Variants in SORCS2 observed in about 807,000 individuals in gnomAD.
SORCS2 encodes VPS10 domain-containing receptor SorCS2.
SORCS2 carries 100 observed loss-of-function variants against 141.6 expected under a neutral mutation model. The ratio of observed to expected loss-of-function variants is 0.71; its 90% CI spans 0.60 to 0.83. The LOEUF is 0.83. SORCS2 is among the 40% of genes least tolerant of loss of function. The pLI is 0.00. For synonymous variants in SORCS2, 789 were observed against 676.9 expected (o/e 1.17, Z -2.57); for missense variants, 1,646 against 1,560.2 (o/e 1.05, Z -0.93).
chr4:7,655,207 A>G (rs1006542515), intron 5 of SORCS2, among the ~76,000 whole-genome samples: 10 of 151,504 alleles, frequency 6.6e-5, no homozygotes, highest in Non-Finnish European at 1.5e-5. Context: ...GCGTGTACAC[A>G]CACACACACA....
chr4:7,600,656 TACACACACAC>T lies in SORCS2; in HGVS notation c.649-37639_649-37630del, dbSNP rs57789330. On this transcript the variant is annotated intron_variant, in intron 3 of 26. Transcript: ENST00000507866. ...TTAGATTACGATATACATATATATA[TACACACACAC>T]ACACACACACACACACACACACACA... Among the ~76,000 whole-genome samples, 149 of 140,982 alleles carry T rather than the reference TACACACACAC, an allele frequency of 1.1e-3. 1 individual carries two copies. The highest frequency in any genetic ancestry group is 3.6e-3 in the Middle Eastern group (1 of 278). The allele number at this position is 140,982 out of a possible 152,430, so 92.5% of individuals were successfully genotyped here.
intron 1 of SORCS2, among the ~76,000 whole-genome samples, chr4:7,368,979 G>A (rs767337282): frequency 2.0e-5 from 3 of 152,128 alleles, no homozygotes; most frequent in South Asian, 2.1e-4. Flanking sequence ...TCATGGTGAG[G>A]CCTCCCCAGC....
intron 2 of SORCS2, among the ~76,000 whole-genome samples, chr4:7,453,112 T>TTCAGGAGCTGTGTGTTGGGG (rs1728590233): frequency 1.5e-5 from 1 of 64,732 alleles, no homozygotes; most frequent in Admixed American, 1.7e-4. Context: ...CTGTGTTGGG[T>TTCAGGAGCTGTGTGTTGGGG]TCAGGAGCTG....
At chr4:7,407,956 C>G (rs1725076126) in intron 2 of SORCS2, among the ~76,000 whole-genome samples, 1 of 151,946 alleles carries the variant, frequency 6.6e-6, no homozygotes. Flanking sequence ...AAAAATTATG[C>G]CCTTTATCCT....
Position 7,346,183 on chromosome 4 carries a change from G to A in SORCS2, c.481-50105G>A, listed in dbSNP as rs143618401. 1.8e-3 allele frequency among the ~76,000 whole-genome samples: 274 copies of A among 152,130 alleles called. 1 individual carries two copies. The highest frequency in any genetic ancestry group is 0.01 in the Middle Eastern group (3 of 294). On this transcript the variant is annotated intron_variant, in intron 1 of 26. Transcript: ENST00000507866. ...GGTTTTCTCCCTTTTTAATACCAGC[G>A]TTTAAAGCTATAAATTTCCCCCTTT...
At chr4:7,507,061 T>G (rs550341129) in intron 2 of SORCS2, among the ~76,000 whole-genome samples, 64 of 152,364 alleles carry the variant, frequency 4.2e-4, no homozygotes, top group African/African-American at 1.5e-3. Flanking sequence ...GTTAGAGTTG[T>G]GTTTCTGAGC....
At chr4:7,335,414 A>T (rs1221267466) in intron 1 of SORCS2, among the ~76,000 whole-genome samples, 2 of 152,214 alleles carry the variant, frequency 1.3e-5, no homozygotes, top group African/African-American at 4.8e-5. Flanking sequence ...GAACCCAAAC[A>T]TGGGAGAGGA....
intron 1 of SORCS2, among the ~76,000 whole-genome samples, chr4:7,371,785 G>A (rs2109045454): frequency 6.6e-6 from 1 of 152,338 alleles, no homozygotes; most frequent in East Asian, 1.9e-4. Flanking sequence ...CTCGCTGTGG[G>A]TCCCTCAGTA....
At chr4:7,244,596 T>G (rs1712951798) in intron 1 of SORCS2, among the ~76,000 whole-genome samples, 1 of 152,194 alleles carries the variant, frequency 6.6e-6, no homozygotes, top group Non-Finnish European at 1.5e-5. Context: ...GCCTTGGCAC[T>G]GCACCCCTGG....
At chr4:7,388,657 G>A (rs1181954021) in intron 1 of SORCS2, among the ~76,000 whole-genome samples, 1 of 152,052 alleles carries the variant, frequency 6.6e-6, no homozygotes, top group South Asian at 2.1e-4. Context: ...TTTTTAAATT[G>A]AGATAAAATT....
At chr4:7,549,755 T>C (rs2109626122) in intron 3 of SORCS2, among the ~76,000 whole-genome samples, 1 of 152,318 alleles carries the variant, frequency 6.6e-6, no homozygotes, top group Non-Finnish European at 1.5e-5. Context: ...ATCTCACGAA[T>C]TCTCTCCTGA....
chr4:7,643,940 G>A (rs773156979), intron 4 of SORCS2, among the ~76,000 whole-genome samples: 18 of 152,156 alleles, frequency 1.2e-4, no homozygotes, highest in Non-Finnish European at 2.5e-4. Context: ...TTGAGTAACA[G>A]AACAATTCTC....
At chr4:7,443,217 G>T (rs114942826) in intron 2 of SORCS2, among the ~76,000 whole-genome samples, 1,638 of 152,274 alleles carry the variant, frequency 0.011, 34 homozygotes, top group African/African-American at 0.037. Context: ...AGGGGGCACA[G>T]TTCCACCCTC....
In SORCS2 at chr4:7,316,385, T is replaced by C. The variant is rs539573803; in HGVS notation, c.481-79903T>C. Among the ~76,000 whole-genome samples, 27 of 152,342 alleles carry C rather than the reference T, an allele frequency of 1.8e-4. No homozygotes were observed. The South Asian group carries it at 4.8e-3, about 27-fold the overall frequency. On this transcript the variant is annotated intron_variant, in intron 1 of 26. Coordinates refer to ENST00000507866, the MANE Select transcript of SORCS2 (RefSeq NM_020777.3). ...ATATAGGAAGAAACACAGAAAGGAT[T>C]TCATTCCATGAACTTCCATTGACAA...
At chr4:7,287,977 C>T (rs1411761006) in intron 1 of SORCS2, among the ~76,000 whole-genome samples, 1 of 152,216 alleles carries the variant, frequency 6.6e-6, no homozygotes, top group Non-Finnish European at 1.5e-5. Context: ...TCACCCAGCC[C>T]CTGTGGGATG....
chr4:7,299,087 G>C (rs542924918), intron 1 of SORCS2, among the ~76,000 whole-genome samples: 1 of 152,260 alleles, frequency 6.6e-6, no homozygotes, highest in African/African-American at 2.4e-5. Context: ...ACATAAAGCC[G>C]GGGGTTGGTG....
intron 2 of SORCS2, among the ~76,000 whole-genome samples, chr4:7,458,620 C>T (rs731634): frequency 0.49 from 74,973 of 152,064 alleles, 19,069 homozygotes; most frequent in Middle Eastern, 0.57. Flanking sequence ...GTGGGATGAT[C>T]TCGCTTTCAT....
intron 23 of SORCS2, among the ~76,000 whole-genome samples, chr4:7,731,332 GA>G (rs1166542715): frequency 6.6e-6 from 1 of 152,156 alleles, no homozygotes. Context: ...CAAATCGACG[GA>G]AAGATACCCT....
intron 1 of SORCS2, among the ~76,000 whole-genome samples, chr4:7,380,488 A>C (rs1366464298): frequency 6.6e-6 from 1 of 152,154 alleles, no homozygotes; most frequent in Middle Eastern, 3.2e-3. Context: ...AATTCAAGAG[A>C]AACTGAGTGT....
Sources: allele counts gnomAD v4.1 joint callset (sites outside exome capture counted in the v4.1 genomes callset), GRCh38; gene constraint gnomAD v4.1.1; transcripts MANE v1.5; gene names NCBI Gene and HGNC (gene_info 2026-07-23, HGNC 2026-07-21).